CLPTM1: variants seen among roughly 807,000 people sequenced by gnomAD.
CLPTM1 encodes CLPTM1 regulator of GABA type A receptor forward trafficking.
In CLPTM1, 21 loss-of-function variants were observed where a neutral mutation model predicts 77.3. The observed-to-expected ratio is 0.27, with a 90% CI of 0.19 to 0.39. The LOEUF is 0.39. CLPTM1 is among the 10% of genes least tolerant of loss of function. CLPTM1 has a pLI of 1.00. For synonymous variants in CLPTM1, 373 were observed against 381.0 expected, an observed-to-expected ratio of 0.98 and a Z score of 0.24; for missense variants, 642 against 921.2, an observed-to-expected ratio of 0.70 and a Z score of 3.92.
Position 44,987,300 on chromosome 19 carries a change from C to T in CLPTM1, c.915C>T (p.Val305=). ...NESLASLPLR[V]SFCPLSLWRW... ...GCCTGGCCAGCCTGCCGCTCCGCGTCTCCTTCTGCCCACTCTCGCTTTGGC... is the reference window on the plus strand; with the variant it reads ...GCCTGGCCAGCCTGCCGCTCCGCGTTTCCTTCTGCCCACTCTCGCTTTGGC... Residue 305 remains valine (V), a synonymous_variant, in exon 8 of 14, where the codon GTC becomes GTT. Transcript: ENST00000337392. The T allele has an allele frequency of 6.2e-7, 1 of 1,614,294 alleles. No individual in the cohort carries two copies. Among genetic ancestry groups the T allele is most frequent in the Non-Finnish European group, 8.5e-7 (1 of 1,180,054 alleles).
At chr19:44,954,903 G>C, upstream of CLPTM1, 1 of 1,388,572 alleles carries the variant, frequency 7.2e-7, no homozygotes, top group Non-Finnish European at 9.7e-7. Flanking sequence ...AAGGGTGCTG[G>C]GCAAAAGGCT....
At chr19:44,968,739 C>T (rs1970672818) in intron 2 of CLPTM1, among the ~76,000 whole-genome samples, 8 of 152,208 alleles carry the variant, frequency 5.3e-5, no homozygotes, top group Admixed American at 5.2e-4. Flanking sequence ...CCCACAGCCA[C>T]ACACTAAGCC....
intron 2 of CLPTM1, among the ~76,000 whole-genome samples, chr19:44,966,750 C>T (rs1970635834): frequency 1.3e-5 from 2 of 151,814 alleles, no homozygotes; most frequent in South Asian, 4.1e-4. Flanking sequence ...AGCTGGCACG[C>T]ACACAGACAA....
In CLPTM1 at chr19:44,991,458, C is replaced by G. The variant is rs1035639151; in HGVS notation, c.1555+85C>G. On this transcript the variant is annotated intron_variant, in intron 12 of 13. Coordinates refer to ENST00000337392, the MANE Select transcript of CLPTM1 (RefSeq NM_001294.4). This position sits in a 1 kb window ranked among gnomAD's most constrained non-coding sequence, Gnocchi z 5.4. ...CCAGTGTAGGAGACAGACCCATCCC[C>G]AGACAGGGACAACCTAGGGTGGGCA... 6.0e-5 allele frequency: 92 copies of G among 1,522,598 alleles called. 1 individual carries two copies. The East Asian group carries it at 2.1e-3, about 34-fold the overall frequency. The allele number at this position is 1,522,598 out of a possible 1,614,324, so 94.3% of individuals were successfully genotyped here. A position where few individuals can be genotyped will look rare whatever the true frequency, so the allele number is the denominator to read the frequency against.
chr19:44,979,807 G>A (rs1402799656), intron 5 of CLPTM1, among the ~76,000 whole-genome samples: 2 of 152,074 alleles, frequency 1.3e-5, no homozygotes, highest in Admixed American at 6.6e-5. Flanking sequence ...TGACCTACAG[G>A]GTTGGTCTCA....
chr19:44,990,628 G>A lies in CLPTM1; in HGVS notation c.1323+43G>A. On this transcript the variant is annotated intron_variant, in intron 10 of 13. Transcript: ENST00000337392. This position sits in a 1 kb window ranked among gnomAD's most constrained non-coding sequence, Gnocchi z 4.8. ...TGCTGTCTCGGGAGCTGCAGGGGTT[G>A]GGAGGGGGTAGTGTGGCCCAGCTGG... is the stretch of plus-strand genomic sequence containing the variant. 1 of 1,600,400 alleles carries A rather than the reference G, an allele frequency of 6.2e-7. No homozygotes were observed. The highest frequency in any genetic ancestry group is 8.5e-7 in the Non-Finnish European group (1 of 1,171,104).
intron 4 of CLPTM1, 45 bp downstream of exon 4, chr19:44,974,642 C>A: frequency 6.8e-7 from 1 of 1,465,712 alleles, no homozygotes. Flanking sequence ...GCTTGACTGG[C>A]ACTGAAGGAC....
At chr19:44,971,661 T>G (rs1417207891) in intron 2 of CLPTM1, among the ~76,000 whole-genome samples, 1 of 151,916 alleles carries the variant, frequency 6.6e-6, no homozygotes, top group Non-Finnish European at 1.5e-5. Flanking sequence ...AGGGCTCAAG[T>G]GACTCTCTCA....
chr19:44,970,384 T>C (rs1258288456), intron 2 of CLPTM1, among the ~76,000 whole-genome samples: 1 of 137,166 alleles, frequency 7.3e-6, no homozygotes, highest in Non-Finnish European at 1.5e-5. Flanking sequence ...ATATGTTGTA[T>C]GTGCCCTGGG....
chr19:44,959,571 C>G (rs563410548), intron 1 of CLPTM1, among the ~76,000 whole-genome samples: 1 of 152,212 alleles, frequency 6.6e-6, no homozygotes, highest in South Asian at 2.1e-4. Flanking sequence ...CCAGGCTGGT[C>G]TTGAACTCCT....
chr19:44,958,906 A>G (rs1970503209), intron 1 of CLPTM1, among the ~76,000 whole-genome samples: 1 of 152,198 alleles, frequency 6.6e-6, no homozygotes, highest in Admixed American at 6.5e-5. Flanking sequence ...TCTAAACAAC[A>G]TCCAGTCTTT....
At chr19:44,979,257 G>A (rs1970856070) in intron 5 of CLPTM1, among the ~76,000 whole-genome samples, 1 of 152,142 alleles carries the variant, frequency 6.6e-6, no homozygotes, top group African/African-American at 2.4e-5. Context: ...GGGATTACAG[G>A]TGTGAGCTGC....
In CLPTM1 at chr19:44,991,297, C is replaced by T. The variant is rs553312598; in HGVS notation, c.1479C>T (p.Tyr493=). The T allele has an allele frequency of 1.2e-6, 2 of 1,614,106 alleles. No homozygotes were observed. Among genetic ancestry groups the T allele is most frequent in the East Asian group, 2.2e-5 (1 of 44,888 alleles). The change falls in exon 12 of 14, where the codon TAC becomes TAT. Residue 493 remains tyrosine, a synonymous_variant. Transcript: ENST00000337392. This position sits in a 1 kb window ranked among gnomAD's most constrained non-coding sequence, Gnocchi z 5.4. Reference sequence around the variant, plus strand: ...CGCTCCTGGGCTGCTATGCCGTCTACAGTCTTCTGTACCTGGAGCACAAGG... The same window carrying T: ...CGCTCCTGGGCTGCTATGCCGTCTATAGTCTTCTGTACCTGGAGCACAAGG... ...LFPLLGCYAV[Y]SLLYLEHKGW...
Position 44,972,550 on chromosome 19 carries a change from C to T in CLPTM1, c.186-537C>T, listed in dbSNP as rs115243486. Among the ~76,000 whole-genome samples the T allele has an allele frequency of 9.0e-3, 1,364 of 152,254 alleles. 21 individuals carry two copies. The highest frequency in any genetic ancestry group is 0.031 in the African/African-American group (1,281 of 41,552). ...AGGCATGAGCCGCCGCGCCCGTCCT[C>T]GTTCATTCTATTTTTTGTAGCCATT... On this transcript the variant is annotated intron_variant, in intron 2 of 13. Coordinates refer to ENST00000337392, the MANE Select transcript of CLPTM1 (RefSeq NM_001294.4).
At position 44,992,997 on chromosome 19, in the gene CLPTM1, A is replaced by G. The variant is rs1388268114; in HGVS notation, c.*100A>G. The stretch of plus-strand genomic sequence containing the variant: ...CTGTCGCCCTTTCCCTGGACAGATC[A>G]GGCCGGGGCGGTGGGAGGCCCGCCT... On this transcript the variant is annotated 3_prime_UTR_variant, in exon 14 of 14. Coordinates refer to ENST00000337392, the MANE Select transcript of CLPTM1 (RefSeq NM_001294.4). This position sits in a 1 kb window ranked among gnomAD's most constrained non-coding sequence, Gnocchi z 7.7. The G allele has an allele frequency of 2.8e-6, 4 of 1,430,884 alleles. No homozygotes were observed. The highest frequency in any genetic ancestry group is 1.9e-5 in the Admixed American group (1 of 51,556). The allele number at this position is 1,430,884 out of a possible 1,614,324, so 88.6% of individuals were successfully genotyped here.
At chr19:44,972,105 G>A (rs540360388) in intron 2 of CLPTM1, among the ~76,000 whole-genome samples, 31 of 151,678 alleles carry the variant, frequency 2.0e-4, no homozygotes, top group Admixed American at 8.6e-4. Context: ...TCTTGACCTC[G>A]TGATTTGCCC....
intron 4 of CLPTM1, among the ~76,000 whole-genome samples, chr19:44,974,981 G>T (rs912041220): frequency 6.6e-6 from 1 of 152,164 alleles, no homozygotes; most frequent in African/African-American, 2.4e-5. Context: ...ACTAAGCTAG[G>T]CTGACTCATG....
At position 44,987,162 on chromosome 19, in the gene CLPTM1, T is replaced by C; in HGVS notation, c.794-17T>C. 1 of 1,601,032 alleles carries C rather than the reference T, an allele frequency of 6.2e-7. No individual in the cohort carries two copies. The highest frequency in any genetic ancestry group is 8.5e-7 in the Non-Finnish European group (1 of 1,171,344). ...TCCTGCCCGGGCCAAATGGTGCCCCTGCCCCACGTGCTGCAGATGTGAAGT... is the reference window on the plus strand; with the variant it reads ...TCCTGCCCGGGCCAAATGGTGCCCCCGCCCCACGTGCTGCAGATGTGAAGT... On this transcript the variant is annotated splice_polypyrimidine_tract_variant and intron_variant, in intron 7 of 13. Coordinates refer to ENST00000337392, the MANE Select transcript of CLPTM1 (RefSeq NM_001294.4).
At chr19:44,982,951 C>T (rs1469674253) in intron 5 of CLPTM1, among the ~76,000 whole-genome samples, 1 of 151,918 alleles carries the variant, frequency 6.6e-6, no homozygotes, top group Non-Finnish European at 1.5e-5. Flanking sequence ...ATCCCGGCTA[C>T]TCGGGAGGCT....
Sources: gnomAD v4.1 joint callset for allele counts (sites outside exome capture counted in the v4.1 genomes callset) on GRCh38, gnomAD v4.1.1 for gene constraint, Gnocchi (gnomAD v3.1) non-coding constraint, MANE v1.5 for transcripts, NCBI Gene and HGNC (gene_info 2026-07-23, HGNC 2026-07-21) for gene names.